The following NMBR variants were observed in gnomAD, a reference collection of about 807,000 sequenced individuals.
The protein encoded by NMBR is neuromedin B receptor, also known as neuromedin-B receptor.
NMBR carries 16 observed loss-of-function variants against 20.5 expected under a neutral mutation model. The ratio of observed to expected loss-of-function variants is 0.78; its 90% CI spans 0.53 to 1.19. NMBR has a LOEUF of 1.19. Ranked by LOEUF, NMBR falls within the 50% of genes most tolerant of loss-of-function variation. The pLI is 0.00. For missense variants in NMBR, 582 were observed against 499.1 expected (o/e 1.17, Z -1.58); for synonymous variants, 212 against 196.6 (o/e 1.08, Z -0.65).
chr6:142,088,600 G>A lies in NMBR; in HGVS notation c.59C>T (p.Ser20Phe), dbSNP rs762083287. 1 of 1,612,052 alleles carries A rather than the reference G, an allele frequency of 6.2e-7. No homozygotes were observed. The highest frequency in any genetic ancestry group is 2.2e-5 in the East Asian group (1 of 44,854). ...ATCCCTTTCCCACCCCTCGGGAACG[G>A]AACCGCTCTCATTCGCGCCGGTGGT... ...SVTTGANESG[S>F]VPEGWERDFL... The change falls in exon 2 of 4, where the codon TCC becomes TTC. Residue 20 changes from serine (S) to phenylalanine (F), a missense_variant. Physicochemically the swap from Ser to Phe is radical, Grantham distance 155. Coordinates refer to ENST00000258042, the MANE Select transcript of NMBR (RefSeq NM_002511.4).
At chr6:142,144,346 C>T (rs567012877) in intron 1 of NMBR, among the ~76,000 whole-genome samples, 10 of 152,182 alleles carry the variant, frequency 6.6e-5, no homozygotes, top group Admixed American at 2.0e-4. Flanking sequence ...TCTGACCAAA[C>T]GGACACAGAA....
At chr6:142,134,860 T>G in intron 1 of NMBR, 1 of 638,016 alleles carries the variant, frequency 1.6e-6, no homozygotes, top group South Asian at 1.8e-5. Flanking sequence ...TACAATTTTA[T>G]TATTTGTTGC....
chr6:142,139,031 C>G (rs1778320029), intron 1 of NMBR, among the ~76,000 whole-genome samples: 1 of 152,114 alleles, frequency 6.6e-6, no homozygotes, highest in Non-Finnish European at 1.5e-5. Flanking sequence ...AAATACTATC[C>G]TTTCACTAGT....
At chr6:142,122,718 A>C (rs560141558) in intron 1 of NMBR, among the ~76,000 whole-genome samples, 4 of 152,062 alleles carry the variant, frequency 2.6e-5, no homozygotes, top group African/African-American at 9.6e-5. Context: ...AATTATGCTA[A>C]ATCTACTCTG....
intron 2 of NMBR, among the ~76,000 whole-genome samples, chr6:142,086,110 T>C (rs1256488416): frequency 2.0e-5 from 3 of 152,082 alleles, no homozygotes; most frequent in East Asian, 3.9e-4. Context: ...AGTAATTTCT[T>C]ATACCAAGAA....
rs1776924566 is a variant in NMBR, at chr6:142,075,746, C to T, written c.1075G>A (p.Ala359Thr). The change falls in exon 4 of 4, where the codon GCG (alanine) becomes ACG (threonine). Residue 359 changes from alanine to threonine, a missense_variant. By Grantham distance (58) the Ala-to-Thr change is moderately conservative (BLOSUM62 0). Coordinates refer to ENST00000258042, the MANE Select transcript of NMBR (RefSeq NM_002511.4). Reference protein sequence around the residue: ...RGTSYLLSSSAVRMTSLKSNA... With the variant: ...RGTSYLLSSSTVRMTSLKSNA... ...CTTTTCAGAGATGTCATACGCACCG[C>T]TGAAGAGCTGAGTAGGTAGCTGGTT... 1 of 1,614,096 alleles carries T rather than the reference C, an allele frequency of 6.2e-7. No individual in the cohort carries two copies. Among genetic ancestry groups the T allele is most frequent in the East Asian group, 2.2e-5 (1 of 44,884 alleles).
chr6:142,092,168 A>G (rs1777337817), intron 1 of NMBR, among the ~76,000 whole-genome samples: 1 of 152,144 alleles, frequency 6.6e-6, no homozygotes. Context: ...TTTGAGAGAA[A>G]GGAGATACTA....
At chr6:142,102,796 GTA>G (rs1403472852) in intron 1 of NMBR, among the ~76,000 whole-genome samples, 1 of 152,300 alleles carries the variant, frequency 6.6e-6, no homozygotes, top group African/African-American at 2.4e-5. Context: ...AGTTGTCCGT[GTA>G]TAAGGCTGGC....
chr6:142,088,463 TCAC>T lies in NMBR; in HGVS notation c.193_195del (p.Val65del). The T allele has an allele frequency of 6.2e-7, 1 of 1,613,874 alleles. No individual in the cohort carries two copies. Among genetic ancestry groups the T allele is most frequent in the South Asian group, 1.1e-5 (1 of 91,042 alleles). On this transcript the variant is annotated inframe_deletion, in exon 2 of 4. Coordinates refer to ENST00000258042, the MANE Select transcript of NMBR (RefSeq NM_002511.4). ...ATGGCGCTGTTGGTGATGAAGATCTTCACCAGCATGATGTTGCCCAGCAAGCCC... is the reference window on the plus strand; with the variant it reads ...ATGGCGCTGTTGGTGATGAAGATCTTCAGCATGATGTTGCCCAGCAAGCCC...
chr6:142,124,057 G>C (rs1382567829), intron 1 of NMBR, among the ~76,000 whole-genome samples: 2 of 151,890 alleles, frequency 1.3e-5, no homozygotes, highest in African/African-American at 4.8e-5. Flanking sequence ...ACCATATCAA[G>C]CAGTCTAGCC....
chr6:142,144,026 G>T (rs1409471356), intron 1 of NMBR, among the ~76,000 whole-genome samples: 1 of 152,186 alleles, frequency 6.6e-6, no homozygotes, highest in Non-Finnish European at 1.5e-5. Context: ...AAATGTGCCG[G>T]AACAATTAAA....
chr6:142,122,576 T>C (rs891926057), intron 1 of NMBR, among the ~76,000 whole-genome samples: 2 of 151,970 alleles, frequency 1.3e-5, no homozygotes, highest in African/African-American at 2.4e-5. Flanking sequence ...CTTTCATAGC[T>C]AGAAAGAAGT....
intron 2 of NMBR, among the ~76,000 whole-genome samples, chr6:142,080,482 TG>T (rs1777072485): frequency 6.6e-6 from 1 of 151,938 alleles, no homozygotes. Context: ...AGCTAATTTT[TG>T]TATTTTTGTA....
chr6:142,142,148 TAAAC>T (rs1267143400), intron 1 of NMBR, among the ~76,000 whole-genome samples: 1 of 152,070 alleles, frequency 6.6e-6, no homozygotes, highest in East Asian at 1.9e-4. Flanking sequence ...TTGAAAGACA[TAAAC>T]AAAAAATATG....
chr6:142,079,086 A>AAGAGAG (rs747389224), intron 2 of NMBR, among the ~76,000 whole-genome samples, 183 bp from the exon 3 acceptor site: 12 of 112,748 alleles, frequency 1.1e-4, no homozygotes, highest in South Asian at 5.7e-4. Context: ...GAAAGAAAGA[A>AAGAGAG]AGAGAGAAAG....
intron 1 of NMBR, among the ~76,000 whole-genome samples, chr6:142,136,433 C>T (rs1470971221): frequency 2.0e-5 from 3 of 152,036 alleles, no homozygotes; most frequent in Non-Finnish European, 2.9e-5. Flanking sequence ...AATTTTCTCC[C>T]GTTTTGTAGG....
At chr6:142,121,703 TA>T (rs376484272) in intron 1 of NMBR, among the ~76,000 whole-genome samples, 5 of 151,762 alleles carry the variant, frequency 3.3e-5, no homozygotes, top group South Asian at 2.1e-4. Flanking sequence ...TCCTTAGCCT[TA>T]AAAAAATACG....
intron 1 of NMBR, chr6:142,134,417 T>G (rs1778208127): frequency 2.2e-6 from 1 of 448,038 alleles, no homozygotes; most frequent in Non-Finnish European, 3.9e-6. Flanking sequence ...AAGATTTTTA[T>G]GAAACTTGGA....
chr6:142,098,360 T>A (rs376386431), intron 1 of NMBR, among the ~76,000 whole-genome samples: 1 of 152,074 alleles, frequency 6.6e-6, no homozygotes, highest in Non-Finnish European at 1.5e-5. Context: ...AGACATAGGG[T>A]GATATTGATT....
Sources: gnomAD v4.1 joint callset for allele counts (sites outside exome capture counted in the v4.1 genomes callset) on GRCh38, gnomAD v4.1.1 for gene constraint, MANE v1.5 for transcripts, NCBI Gene and HGNC (gene_info 2026-07-23, HGNC 2026-07-21) for gene names.